TMEM45A: variants seen among roughly 807,000 people sequenced by gnomAD.
TMEM45A encodes transmembrane protein 45A.
TMEM45A carries 25 observed loss-of-function variants against 32.0 expected under a neutral mutation model. The ratio of observed to expected loss-of-function variants is 0.78; its 90% CI spans 0.57 to 1.09. TMEM45A has a LOEUF of 1.09. Ranked by LOEUF, TMEM45A falls within the 50% of genes least tolerant of loss-of-function variation. The pLI is 0.00. For missense variants in TMEM45A, 302 were observed against 325.0 expected (o/e 0.93, Z 0.54); for synonymous variants, 122 against 114.8 (o/e 1.06, Z -0.40).
intron 1 of TMEM45A, among the ~76,000 whole-genome samples, chr3:100,542,606 C>A (rs1480243594): frequency 6.6e-6 from 1 of 152,110 alleles, no homozygotes; most frequent in African/African-American, 2.4e-5. Flanking sequence ...TTCATCACAG[C>A]ACCATTCACA....
At chr3:100,540,843 T>G (rs1480973645) in intron 1 of TMEM45A, among the ~76,000 whole-genome samples, 1 of 152,246 alleles carries the variant, frequency 6.6e-6, no homozygotes, top group Non-Finnish European at 1.5e-5. Context: ...TTTGGGTATA[T>G]ACCCAGTAAT....
chr3:100,560,705 T>G (rs1439149735), intron 4 of TMEM45A, among the ~76,000 whole-genome samples: 2 of 152,060 alleles, frequency 1.3e-5, no homozygotes, highest in South Asian at 2.1e-4. Context: ...TAGATCAAGT[T>G]TGTTAAAAAG....
intron 5 of TMEM45A, among the ~76,000 whole-genome samples, chr3:100,570,149 T>G (rs1706529347): frequency 1.3e-5 from 2 of 152,230 alleles, no homozygotes; most frequent in Admixed American, 1.3e-4. Context: ...CACACTAATT[T>G]TATTAATTTA....
chr3:100,554,146 A>G (rs762175342), intron 1 of TMEM45A, among the ~76,000 whole-genome samples: 23 of 150,088 alleles, frequency 1.5e-4, no homozygotes, highest in Admixed American at 6.0e-4. Flanking sequence ...ACAAAGGGCT[A>G]CTCACGTAAT....
intron 1 of TMEM45A, among the ~76,000 whole-genome samples, chr3:100,542,903 G>C (rs1705914258): frequency 1.3e-5 from 2 of 151,976 alleles, no homozygotes; most frequent in Admixed American, 1.3e-4. Context: ...GGGAGGGAGG[G>C]GACAAGAGTT....
intron 1 of TMEM45A, chr3:100,519,545 T>C: frequency 6.4e-7 from 1 of 1,550,894 alleles, no homozygotes; most frequent in African/African-American, 1.4e-5. Flanking sequence ...CTAACGTGCC[T>C]GATCTACTGA....
intron 5 of TMEM45A, chr3:100,573,927 C>G (rs1382318839): frequency 6.6e-6 from 1 of 152,150 alleles, no homozygotes; most frequent in African/African-American, 2.4e-5. Flanking sequence ...GTTGAACCAG[C>G]CTTGCATCCC....
intron 1 of TMEM45A, among the ~76,000 whole-genome samples, chr3:100,496,057 A>G (rs1261945665): frequency 6.6e-6 from 1 of 152,174 alleles, no homozygotes; most frequent in Non-Finnish European, 1.5e-5. Flanking sequence ...CTCTTCCCTG[A>G]GAGCATTGTT....
intron 1 of TMEM45A, among the ~76,000 whole-genome samples, chr3:100,524,073 G>A (rs1450280667): frequency 2.0e-5 from 3 of 152,220 alleles, no homozygotes; most frequent in Non-Finnish European, 2.9e-5. Context: ...GAAGGAGAAT[G>A]TCTGTGGGAT....
At chr3:100,528,798 T>C (rs1483584815) in intron 1 of TMEM45A, among the ~76,000 whole-genome samples, 1 of 152,220 alleles carries the variant, frequency 6.6e-6, no homozygotes, top group Non-Finnish European at 1.5e-5. Context: ...GGATTTTAAA[T>C]TCTGATTGTA....
chr3:100,502,461 T>C (rs893861917), intron 1 of TMEM45A, among the ~76,000 whole-genome samples: 3 of 152,188 alleles, frequency 2.0e-5, no homozygotes, highest in African/African-American at 7.2e-5. Flanking sequence ...TCTGTGTATC[T>C]ATCGATCTAT....
At chr3:100,507,299 C>T (rs1322220249) in intron 1 of TMEM45A, among the ~76,000 whole-genome samples, 2 of 152,202 alleles carry the variant, frequency 1.3e-5, no homozygotes, top group East Asian at 1.9e-4. Flanking sequence ...TCTGCCTATA[C>T]AGAAATGTGG....
rs148310550 is a variant in TMEM45A, at chr3:100,516,007, T to C, written c.-4+23079T>C. ...AAGAGAAGGTTTGAAATGCTCCCAA[T>C]ACAAAGAAATGATAAATGTTTCAGG... On this transcript the variant is annotated intron_variant, in intron 1 of 5. Transcript: ENST00000323523. 1.1e-3 allele frequency among the ~76,000 whole-genome samples: 163 copies of C among 152,294 alleles called. 1 individual carries two copies. Among genetic ancestry groups the C allele is most frequent in the African/African-American group, 3.6e-3 (151 of 41,560 alleles).
chr3:100,501,893 C>T (rs1708012548), intron 1 of TMEM45A, among the ~76,000 whole-genome samples: 1 of 152,154 alleles, frequency 6.6e-6, no homozygotes, highest in Non-Finnish European at 1.5e-5. Flanking sequence ...ATCTCGGACT[C>T]AGAGTTGACC....
chr3:100,540,032 G>T (rs1368283519), intron 1 of TMEM45A, among the ~76,000 whole-genome samples: 2 of 152,138 alleles, frequency 1.3e-5, no homozygotes, highest in Non-Finnish European at 2.9e-5. Flanking sequence ...GGAAAATCTA[G>T]TTGCTCTTGG....
chr3:100,519,433 G>A (rs1705389360), intron 1 of TMEM45A: 4 of 749,036 alleles, frequency 5.3e-6, no homozygotes, highest in South Asian at 1.7e-5. Flanking sequence ...AAGATGTCAA[G>A]TTTCAGCCTA....
Position 100,549,960 on chromosome 3 carries a change from G to T in TMEM45A, c.-3-5249G>T, listed in dbSNP as rs939364633. Among the ~76,000 whole-genome samples the T allele has an allele frequency of 2.7e-4, 40 of 147,408 alleles. 1 individual carries two copies. Among genetic ancestry groups the T allele is most frequent in the African/African-American group, 9.0e-4 (36 of 39,872 alleles). On this transcript the variant is annotated intron_variant, in intron 1 of 5. Coordinates refer to ENST00000323523, the MANE Select transcript of TMEM45A (RefSeq NM_018004.3). ...ATATGTGCCACATTTTCTTAATCCA[G>T]TCTATCGTTGTTGGACATTTGGGTT... is the stretch of plus-strand genomic sequence containing the variant.
chr3:100,511,246 G>T lies in TMEM45A; in HGVS notation c.-4+18318G>T, dbSNP rs1393496788. On this transcript the variant is annotated intron_variant, in intron 1 of 5. Transcript: ENST00000323523. ...GAGAAAGGTTGGGTTACCCTCAAAG[G>T]GAAGCCCATCAGACTAACAGCGGAT... Among the ~76,000 whole-genome samples, 5 of 152,268 alleles carry T rather than the reference G, an allele frequency of 3.3e-5. No individual in the cohort carries two copies. The East Asian group carries it at 7.7e-4, about 23-fold the overall frequency.
chr3:100,567,622 T>C (rs1409284506), intron 4 of TMEM45A, among the ~76,000 whole-genome samples: 1 of 151,980 alleles, frequency 6.6e-6, no homozygotes, highest in African/African-American at 2.4e-5. Flanking sequence ...GTATTAAGCT[T>C]CCAGTCTATG....
Sources: allele counts gnomAD v4.1 joint callset (sites outside exome capture counted in the v4.1 genomes callset), GRCh38; gene constraint gnomAD v4.1.1; transcripts MANE v1.5; gene names NCBI Gene and HGNC (gene_info 2026-07-23, HGNC 2026-07-21).